SPDL1: variants seen among roughly 807,000 people sequenced by gnomAD.
SPDL1 encodes the protein protein Spindly.
In SPDL1, 85 loss-of-function variants were observed where a neutral mutation model predicts 79.5. That is an observed-to-expected ratio of 1.07 (90% CI 0.90 to 1.28). SPDL1 has a LOEUF of 1.28. Ranked by LOEUF, SPDL1 falls within the 50% of genes most tolerant of loss-of-function variation. The pLI is 0.00. For missense variants in SPDL1, 703 were observed against 697.8 expected, an observed-to-expected ratio of 1.01 and a Z score of -0.08; for synonymous variants, 269 against 240.3, an observed-to-expected ratio of 1.12 and a Z score of -1.10.
rs567203657 is a variant in SPDL1 at position 169,594,174 on chromosome 5, A to G, written c.561A>G (p.Leu187=). 4 of 1,612,356 alleles carry G rather than the reference A, an allele frequency of 2.5e-6. No homozygotes were observed. The highest frequency in any genetic ancestry group is 2.2e-5 in the South Asian group (2 of 90,584). The change falls in exon 5 of 12, where the codon CTA becomes CTG. Residue 187 remains leucine, a synonymous_variant. Coordinates refer to ENST00000265295, the MANE Select transcript of SPDL1 (RefSeq NM_017785.5). ...CCCTCAAAGAAGAAGTGAATGAACT[A>G]CAATACAGACAAGAACAGCTAGAAC... ...KTTLKEEVNE[L]QYRQEQLELL...
chr5:169,586,489 T>C (rs1446989373), intron 1 of SPDL1: 1 of 152,232 alleles, frequency 6.6e-6, no homozygotes, highest in Admixed American at 6.5e-5. Flanking sequence ...TTCTCAAATT[T>C]GCATATCCAG....
intron 2 of SPDL1, among the ~76,000 whole-genome samples, chr5:169,590,104 A>G (rs545959085): frequency 5.4e-4 from 82 of 152,366 alleles, no homozygotes; most frequent in African/African-American, 1.9e-3. Context: ...CCACACGATT[A>G]TTTCTTAAAA....
In SPDL1 at chr5:169,592,407, G is replaced by T. The variant is rs552335590; in HGVS notation, c.337-947G>T. ...TAATTTTTGTATTTTAATAGAGACA[G>T]GGTTTCACCATGTTGGTCAGGCTGG... is the stretch of plus-strand genomic sequence containing the variant. On this transcript the variant is annotated intron_variant, in intron 3 of 11. Coordinates refer to ENST00000265295, the MANE Select transcript of SPDL1 (RefSeq NM_017785.5). Among the ~76,000 whole-genome samples, 11 of 151,952 alleles carry T rather than the reference G, an allele frequency of 7.2e-5. No homozygotes were observed. The South Asian group carries it at 2.1e-3, about 29-fold the overall frequency.
rs3797713 is a variant in SPDL1, at chr5:169,601,477, T to C, written c.1522T>C (p.Tyr508His). 0.68 allele frequency: 1,100,842 copies of C among 1,613,850 alleles called. 377,385 individuals are homozygous for C. The highest frequency in any genetic ancestry group is 0.71 in the East Asian group (31,975 of 44,860). The change falls in exon 11 of 12, where the codon TAC (tyrosine) becomes CAC (histidine). Residue 508 changes from tyrosine to histidine, a missense_variant. Transcript: ENST00000265295. Reference protein sequence around the residue: ...NLQLEKSVSIYTPVVSLSPHK... With the variant: ...NLQLEKSVSIHTPVVSLSPHK... ...GCAATTAGAAAAATCAGTTTCTATATACACACCAGTAGTCAGTCTCTCTCC... is the reference window on the plus strand; with the variant it reads ...GCAATTAGAAAAATCAGTTTCTATACACACACCAGTAGTCAGTCTCTCTCC...
In SPDL1 at chr5:169,602,334, G is replaced by A. The variant is rs372384133; in HGVS notation, c.1670+709G>A. Among the ~76,000 whole-genome samples, 27 of 152,318 alleles carry A rather than the reference G, an allele frequency of 1.8e-4. No homozygotes were observed. In the Middle Eastern group the frequency reaches 0.01, roughly 58 times the overall value. ...GCTGAGGCTCGAGTTCTGGATGTGC[G>A]CAGCAGGAGAAGTGAATGAGGAAAT... On this transcript the variant is annotated intron_variant, in intron 11 of 11. Coordinates refer to ENST00000265295, the MANE Select transcript of SPDL1 (RefSeq NM_017785.5).
Position 169,594,173 on chromosome 5 carries a change from T to A in SPDL1, c.560T>A (p.Leu187Gln), listed in dbSNP as rs773869963. Residue 187 changes from leucine (L) to glutamine (Q), a missense_variant, in exon 5 of 12, where the codon CTA (leucine) becomes CAA (glutamine). Coordinates refer to ENST00000265295, the MANE Select transcript of SPDL1 (RefSeq NM_017785.5). ...ACCCTCAAAGAAGAAGTGAATGAACTACAATACAGACAAGAACAGCTAGAA... is the reference window on the plus strand; with the variant it reads ...ACCCTCAAAGAAGAAGTGAATGAACAACAATACAGACAAGAACAGCTAGAA... ...KTTLKEEVNE[L>Q]QYRQEQLELL... 1.9e-6 allele frequency: 3 copies of A among 1,611,794 alleles called. No individual in the cohort carries two copies. Among genetic ancestry groups the A allele is most frequent in the African/African-American group, 2.7e-5 (2 of 74,858 alleles).
At chr5:169,584,957 C>G (rs928377367) in intron 1 of SPDL1, among the ~76,000 whole-genome samples, 1 of 151,624 alleles carries the variant, frequency 6.6e-6, no homozygotes, top group African/African-American at 2.4e-5. Context: ...TTGCAGTGAG[C>G]CGAGATTGCG....
chr5:169,588,567 A>G lies in SPDL1; in HGVS notation c.151A>G (p.Met51Val), dbSNP rs1469179189. 1.9e-6 allele frequency: 3 copies of G among 1,612,116 alleles called. No individual in the cohort carries two copies. The highest frequency in any genetic ancestry group is 1.6e-4 in the Middle Eastern group (1 of 6,078). The change falls in exon 2 of 12, where the codon ATG becomes GTG. Residue 51 changes from methionine (M) to valine (V), a missense_variant. Coordinates refer to ENST00000265295, the MANE Select transcript of SPDL1 (RefSeq NM_017785.5). Reference protein sequence around the residue: ...LDKCRNEMMTMTESYEQEKYT... With the variant: ...LDKCRNEMMTVTESYEQEKYT... ...TAAATGTCGTAATGAAATGATGACC[A>G]TGACTGAGGTAGGACTCTGGACTCC...
intron 8 of SPDL1, among the ~76,000 whole-genome samples, chr5:169,597,221 T>C (rs1435722105): frequency 7.4e-6 from 1 of 134,430 alleles, no homozygotes; most frequent in Non-Finnish European, 1.6e-5. Context: ...GAATGGTATT[T>C]GTGTAAGCAT....
intron 3 of SPDL1, among the ~76,000 whole-genome samples, chr5:169,592,458 G>A (rs1364735510): frequency 6.6e-6 from 1 of 151,872 alleles, no homozygotes; most frequent in Non-Finnish European, 1.5e-5. Flanking sequence ...CTCGTGATCC[G>A]CCCACTTCAG....
At chr5:169,592,886 T>G (rs1318648287) in intron 3 of SPDL1, among the ~76,000 whole-genome samples, 1 of 151,304 alleles carries the variant, frequency 6.6e-6, no homozygotes, top group Admixed American at 6.6e-5. Flanking sequence ...TCAAATCACT[T>G]ATGCCAAAAT....
Position 169,598,491 on chromosome 5 carries a change from A to G in SPDL1, c.1048A>G (p.Met350Val). Residue 350 changes from methionine (M) to valine (V), a missense_variant, in exon 9 of 12, where the codon ATG (methionine) becomes GTG (valine). By Grantham distance (21) the Met-to-Val change is conservative. Coordinates refer to ENST00000265295, the MANE Select transcript of SPDL1 (RefSeq NM_017785.5). ...LEKFKNLYDS[M>V]ESKPSVDSGT... Reference sequence around the variant, plus strand: ...CTTTTTTAAGAATTTATATGACAGTATGGAATCTAAGCCTTCAGTCGACTC... The same window carrying G: ...CTTTTTTAAGAATTTATATGACAGTGTGGAATCTAAGCCTTCAGTCGACTC... 5.0e-6 allele frequency: 8 copies of G among 1,611,224 alleles called. No individual in the cohort carries two copies. The highest frequency in any genetic ancestry group is 1.7e-4 in the Middle Eastern group (1 of 6,054).
At chr5:169,590,900 A>G (rs958933477) in intron 2 of SPDL1, 148 bp from the exon 3 acceptor site, 2 of 758,586 alleles carry the variant, frequency 2.6e-6, no homozygotes, top group South Asian at 1.5e-5. Flanking sequence ...ATTAACTACA[A>G]AGTTATTCCA....
At chr5:169,584,129 C>G (rs1754849124) in intron 1 of SPDL1, 1 of 152,242 alleles carries the variant, frequency 6.6e-6, no homozygotes, top group Non-Finnish European at 1.5e-5. Context: ...GTTGCCGGGT[C>G]CTCAAAATTA....
chr5:169,584,718 C>T (rs994914423), intron 1 of SPDL1, among the ~76,000 whole-genome samples: 1 of 151,954 alleles, frequency 6.6e-6, no homozygotes, highest in Admixed American at 6.6e-5. Context: ...TTCTAGTTCC[C>T]ATCACACTTC....
intron 3 of SPDL1, among the ~76,000 whole-genome samples, chr5:169,593,105 A>G (rs1755385162): frequency 6.6e-6 from 1 of 152,136 alleles, no homozygotes; most frequent in Admixed American, 6.6e-5. Context: ...CACAGTAGCC[A>G]AGTGGTCCGC....
At chr5:169,591,912 G>A (rs1755305930) in intron 3 of SPDL1, among the ~76,000 whole-genome samples, 1 of 152,198 alleles carries the variant, frequency 6.6e-6, no homozygotes, top group Admixed American at 6.5e-5. Context: ...TTGGTCAGTG[G>A]TTTTCCCTTT....
At position 169,601,580 on chromosome 5, in the gene SPDL1, C is replaced by T; in HGVS notation, c.1625C>T (p.Ala542Val). ...AAACTCATAGGAGTTCCCGCTGACG[C>T]TGAGGCCTTAAGTGAAAGAAGTGGA... ...CVKLIGVPAD[A>V]EALSERSGNT... Residue 542 changes from alanine to valine, a missense_variant, in exon 11 of 12, where the codon GCT (alanine) becomes GTT (valine). Ala to Val is a moderately conservative substitution (Grantham distance 64). Transcript: ENST00000265295. 6.2e-7 allele frequency: 1 copy of T among 1,614,204 alleles called. No homozygotes were observed. The highest frequency in any genetic ancestry group is 1.1e-5 in the South Asian group (1 of 91,088).
In SPDL1 at chr5:169,601,510, A is replaced by T. The variant is rs144151613; in HGVS notation, c.1555A>T (p.Asn519Tyr). The change falls in exon 11 of 12, where the codon AAT (asparagine) becomes TAT (tyrosine). Residue 519 changes from asparagine (N) to tyrosine (Y), a missense_variant. Transcript: ENST00000265295. The part of the protein sequence containing the change: ...TPVVSLSPHK[N>Y]LPVDMQLKKE... ...AGTAGTCAGTCTCTCTCCTCACAAAAATCTGCCCGTGGATATGCAGCTGAA... is the reference window on the plus strand; with the variant it reads ...AGTAGTCAGTCTCTCTCCTCACAAATATCTGCCCGTGGATATGCAGCTGAA... 4.7e-3 allele frequency: 7,574 copies of T among 1,614,152 alleles called. 24 individuals carry two copies. The highest frequency in any genetic ancestry group is 0.01 in the Middle Eastern group (62 of 6,062).
Sources: allele counts gnomAD v4.1 joint callset (sites outside exome capture counted in the v4.1 genomes callset), GRCh38; gene constraint gnomAD v4.1.1; transcripts MANE v1.5; gene names NCBI Gene and HGNC (gene_info 2026-07-23, HGNC 2026-07-21).